CRYGN: variants seen among roughly 807,000 people sequenced by gnomAD.
The protein encoded by CRYGN is crystallin gamma N.
CRYGN carries 17 observed loss-of-function variants against 19.2 expected under a neutral mutation model. That is an observed-to-expected ratio of 0.89 (90% confidence interval 0.61 to 1.33). CRYGN has a LOEUF of 1.33. Ranked by LOEUF, CRYGN falls within the 40% of genes most tolerant of loss-of-function variation. The probability of loss-of-function intolerance (pLI) is 0.00; values close to 1 mark genes in which losing one functional copy is unlikely to be tolerated. For synonymous variants in CRYGN, 84 were observed against 85.8 expected (o/e 0.98, Z 0.12); for missense variants, 239 against 239.6 (o/e 1.00, Z 0.02).
In CRYGN at chr7:151,435,424, G is replaced by C. The variant is rs1801579018; in HGVS notation, c.416+756C>G. The stretch of plus-strand genomic sequence containing the variant: ...GCGATAATATCTACCTGACCTAGAG[G>C]TGTGGGCTGGACAATGAAAATACAT... On this transcript the variant is annotated intron_variant, in intron 3 of 3. Transcript: ENST00000337323. This position sits in a 1 kb window ranked among gnomAD's most constrained non-coding sequence, Gnocchi z 4.2. 6.6e-6 allele frequency among the ~76,000 whole-genome samples: 1 copy of C among 152,198 alleles called. No homozygotes were observed. Among genetic ancestry groups the C allele is most frequent in the Admixed American group, 6.5e-5 (1 of 15,282 alleles).
Position 151,430,002 on chromosome 7 carries a change from G to C in CRYGN, c.*46C>G, listed in dbSNP as rs1801426786. The C allele has an allele frequency of 1.2e-6, 1 of 808,996 alleles. No individual in the cohort carries two copies. Among genetic ancestry groups the C allele is most frequent in the East Asian group, 2.4e-5 (1 of 41,354 alleles). 50.1% of individuals were successfully genotyped at this position (808,996 alleles called of 1,614,324 possible). On this transcript the variant is annotated 3_prime_UTR_variant, in exon 4 of 4. Coordinates refer to ENST00000337323, the MANE Select transcript of CRYGN (RefSeq NM_144727.3). The surrounding 1 kb of genome is among the most constrained non-coding windows in gnomAD (Gnocchi z 5.2). ...ATGATTTTAAGTAAACACTCTCCCG[G>C]CTCAGAAACGGTGCAGGTGCATTTA... is the stretch of plus-strand genomic sequence containing the variant.
Position 151,438,041 on chromosome 7 carries a change from C to T in CRYGN, c.225G>A (p.Trp75Ter), listed in dbSNP as rs1801663696. ...EHGDYPDFFR[W>*]NSHSDHMGSC... ...AGCCCATGTGGTCACTGTGGCTGTT[C>T]CAGCGGAAGAAGTCGGGGTAGTCGC... The change falls in exon 2 of 4, where the codon TGG becomes TGA. Residue 75 changes from tryptophan (W) to a stop codon, truncating the protein, a stop_gained. Transcript: ENST00000337323. LOFTEE classifies it high-confidence loss of function. 4 of 1,613,992 alleles carry T rather than the reference C, an allele frequency of 2.5e-6. No homozygotes were observed. Among genetic ancestry groups the T allele is most frequent in the Non-Finnish European group, 3.4e-6 (4 of 1,180,046 alleles).
At chr7:151,438,962 A>G (rs1009519606) in intron 1 of CRYGN, 1 of 152,256 alleles carries the variant, frequency 6.6e-6, no homozygotes, top group African/African-American at 2.4e-5. Flanking sequence ...AAAGTGAAGC[A>G]ATAACAACCC....
At chr7:151,439,313 T>A (rs1801702266) in intron 1 of CRYGN, among the ~76,000 whole-genome samples, 1 of 152,174 alleles carries the variant, frequency 6.6e-6, no homozygotes, top group African/African-American at 2.4e-5. Context: ...CACTCTGGAA[T>A]GTGGCCTTGG....
rs183989824 is a variant in CRYGN, at chr7:151,429,789, C to T, written c.*259G>A. 36 of 537,594 alleles carry T rather than the reference C, an allele frequency of 6.7e-5. No individual in the cohort carries two copies. Among genetic ancestry groups the T allele is most frequent in the Admixed American group, 2.2e-4 (7 of 31,136 alleles). The allele number at this position is 537,594 out of a possible 1,614,324, so 33.3% of individuals were successfully genotyped here. ...CCATCATCAGCTGTGGGCTGAGGTGCGAGATTGTGGAGGCCTGAGGCCAGC... is the reference window on the plus strand; with the variant it reads ...CCATCATCAGCTGTGGGCTGAGGTGTGAGATTGTGGAGGCCTGAGGCCAGC... On this transcript the variant is annotated 3_prime_UTR_variant, in exon 4 of 4. Coordinates refer to ENST00000337323, the MANE Select transcript of CRYGN (RefSeq NM_144727.3).
Position 151,438,127 on chromosome 7 carries a change from C to A in CRYGN, c.139G>T (p.Gly47Ter). Residue 47 changes from glycine (G) to a stop codon, truncating the protein, a stop_gained, in exon 2 of 4, where the codon GGA (glycine) becomes TGA (stop). Transcript: ENST00000337323. LOFTEE classifies it high-confidence loss of function. ...GGGTGATTGAAGCAGACCCAGGCTC[C>A]GCTCTCCACGTGGATGGAGTTCACT... ...NRVNSIHVES[G>*]AWVCFNHPDF... is the part of the protein sequence containing the mutation. 1.2e-6 allele frequency: 2 copies of A among 1,614,208 alleles called. No homozygotes were observed. The highest frequency in any genetic ancestry group is 1.7e-6 in the Non-Finnish European group (2 of 1,180,036).
In CRYGN at chr7:151,430,703, C is replaced by T. The variant is rs894613799; in HGVS notation, c.417-523G>A. Among the ~76,000 whole-genome samples the T allele has an allele frequency of 1.3e-5, 2 of 152,194 alleles. No homozygotes were observed. The highest frequency in any genetic ancestry group is 2.4e-5 in the African/African-American group (1 of 41,450). On this transcript the variant is annotated intron_variant, in intron 3 of 3. Coordinates refer to ENST00000337323, the MANE Select transcript of CRYGN (RefSeq NM_144727.3). The surrounding 1 kb of genome is among the most constrained non-coding windows in gnomAD (Gnocchi z 5.2). ...AACCCAGGGCTCATGGGCTTTCCCT[C>T]GGAGTCCTGAGCTGGGCGACCAGCC... is the stretch of plus-strand genomic sequence containing the variant.
At position 151,438,185 on chromosome 7, in the gene CRYGN, A is replaced by AC. The variant is rs772351036; in HGVS notation, c.80dup (p.Cys27TrpfsTer2). ...TAAAGCCCCGGTCCTGGAAGTTGTC[A>AC]CAGTCCCCGAAGACCTCCAGCTTCT... On this transcript the variant is annotated frameshift_variant, in exon 2 of 4. Transcript: ENST00000337323. LOFTEE classifies it high-confidence loss of function. 6 of 1,614,140 alleles carry AC rather than the reference A, an allele frequency of 3.7e-6. No homozygotes were observed. The Admixed American group carries it at 5.0e-5, about 13-fold the overall frequency.
intron 3 of CRYGN, among the ~76,000 whole-genome samples, chr7:151,434,932 G>A (rs1020538066): frequency 6.6e-6 from 1 of 152,204 alleles, no homozygotes; most frequent in African/African-American, 2.4e-5. Flanking sequence ...GATTACTTAT[G>A]ATACCTAATC....
rs553019943 is a variant in CRYGN, at chr7:151,436,171, T to G, written c.416+9A>C. 2 of 1,462,864 alleles carry G rather than the reference T, an allele frequency of 1.4e-6. No homozygotes were observed. The highest frequency in any genetic ancestry group is 1.8e-6 in the Non-Finnish European group (2 of 1,099,270). 90.6% of individuals were successfully genotyped at this position (1,462,864 alleles called of 1,614,324 possible). On this transcript the variant is annotated intron_variant, in intron 3 of 3. Transcript: ENST00000337323. The surrounding 1 kb of genome is among the most constrained non-coding windows in gnomAD (Gnocchi z 5.1). Reference sequence around the variant, plus strand: ...GGCCTCGGGGTGCGGCCACGTGGCCTGTACTCACGCTCCGTCCCCGTACAC... The same window carrying G: ...GGCCTCGGGGTGCGGCCACGTGGCCGGTACTCACGCTCCGTCCCCGTACAC...
rs1389564623 is a variant in CRYGN at position 151,429,742 on chromosome 7, T to TA, written c.*305dup. 9 of 430,444 alleles carry TA rather than the reference T, an allele frequency of 2.1e-5. No individual in the cohort carries two copies. The highest frequency in any genetic ancestry group is 3.4e-5 in the Non-Finnish European group (8 of 234,154). 26.7% of individuals were successfully genotyped at this position (430,444 alleles called of 1,614,324 possible). A position where few individuals can be genotyped will look rare whatever the true frequency, so the allele number is the denominator to read the frequency against. On this transcript the variant is annotated 3_prime_UTR_variant, in exon 4 of 4. Transcript: ENST00000337323. ...AGCCTGGCATTAAGTCAGTGCTCCATAAATATTCATCAACATCATCACCAT... is the reference window on the plus strand; with the variant it reads ...AGCCTGGCATTAAGTCAGTGCTCCATAAAATATTCATCAACATCATCACCAT...
At chr7:151,438,739 G>A (rs1208370732) in intron 1 of CRYGN, 1 of 158,502 alleles carries the variant, frequency 6.3e-6, no homozygotes, top group Non-Finnish European at 1.4e-5. Context: ...TGGAGAGGCT[G>A]AATGGGCCGA....
At chr7:151,437,730 T>G in intron 2 of CRYGN, 1 of 1,037,864 alleles carries the variant, frequency 9.6e-7, no homozygotes, top group African/African-American at 1.6e-5. Flanking sequence ...AAATGGAAAA[T>G]GCAGCTAGAT....
At chr7:151,437,725 G>A in intron 2 of CRYGN, 1 of 1,012,084 alleles carries the variant, frequency 9.9e-7, no homozygotes, top group African/African-American at 1.6e-5. Flanking sequence ...ATTTTAAATG[G>A]AAAATGCAGC....
At chr7:151,438,854 T>C (rs1252167349) in intron 1 of CRYGN, 1 of 152,702 alleles carries the variant, frequency 6.5e-6, no homozygotes, top group Non-Finnish European at 1.5e-5. Context: ...GTAGCAGGCA[T>C]GTATCAGATC....
At position 151,436,084 on chromosome 7, in the gene CRYGN, C is replaced by A; in HGVS notation, c.416+96G>T. ...CCCACTGCTGGAGGTCTCATTCCCA[C>A]CCCACCCACCACCCCTGTGTGGCGG... On this transcript the variant is annotated intron_variant, in intron 3 of 3. Coordinates refer to ENST00000337323, the MANE Select transcript of CRYGN (RefSeq NM_144727.3). The surrounding 1 kb of genome is among the most constrained non-coding windows in gnomAD (Gnocchi z 5.1). 2 of 1,041,470 alleles carry A rather than the reference C, an allele frequency of 1.9e-6. No individual in the cohort carries two copies. The highest frequency in any genetic ancestry group is 2.5e-6 in the Non-Finnish European group (2 of 791,258). The allele number at this position is 1,041,470 out of a possible 1,614,324, so 64.5% of individuals were successfully genotyped here. A position where few individuals can be genotyped will look rare whatever the true frequency, so the allele number is the denominator to read the frequency against.
In CRYGN at chr7:151,429,878, G is replaced by T. The variant is rs138303825; in HGVS notation, c.*170C>A. The T allele has an allele frequency of 6.2e-6, 4 of 646,250 alleles. No homozygotes were observed. Among genetic ancestry groups the T allele is most frequent in the Admixed American group, 5.0e-5 (2 of 40,376 alleles). The allele number at this position is 646,250 out of a possible 1,614,324, so 40.0% of individuals were successfully genotyped here. ...TGGACGGCTGTTTCAGAAGAGACAG[G>T]GCCCTTGCCATGGGTGGGGAGGGCC... is the stretch of plus-strand genomic sequence containing the variant. On this transcript the variant is annotated 3_prime_UTR_variant, in exon 4 of 4. Transcript: ENST00000337323.
In CRYGN at chr7:151,431,555, A is replaced by G. The variant is rs1801464755; in HGVS notation, c.417-1375T>C. On this transcript the variant is annotated intron_variant, in intron 3 of 3. Coordinates refer to ENST00000337323, the MANE Select transcript of CRYGN (RefSeq NM_144727.3). The surrounding 1 kb of genome is among the most constrained non-coding windows in gnomAD (Gnocchi z 4.8). ...GCTCCAGGGGCTATGGCTGCAGCAG[A>G]CACGCCCCATGCCCCTTTCTCCCCG... Among the ~76,000 whole-genome samples, 1 of 152,074 alleles carries G rather than the reference A, an allele frequency of 6.6e-6. No homozygotes were observed. Among genetic ancestry groups the G allele is most frequent in the South Asian group, 2.1e-4 (1 of 4,820 alleles).
chr7:151,437,799 C>A lies in CRYGN; in HGVS notation c.270+197G>T, dbSNP rs751603937. 2.4e-4 allele frequency: 352 copies of A among 1,452,352 alleles called. 1 individual carries two copies. The highest frequency in any genetic ancestry group is 3.1e-4 in the Non-Finnish European group (338 of 1,104,744). 90.0% of individuals were successfully genotyped at this position (1,452,352 alleles called of 1,614,324 possible). On this transcript the variant is annotated intron_variant, in intron 2 of 3. Coordinates refer to ENST00000337323, the MANE Select transcript of CRYGN (RefSeq NM_144727.3). The stretch of plus-strand genomic sequence containing the variant: ...ACCTGTATGAAAACTCAGGGCCACT[C>A]CCACTCAGTTCATAGCAACTTGGCC...
Sources: allele counts gnomAD v4.1 joint callset (sites outside exome capture counted in the v4.1 genomes callset), GRCh38; gene constraint gnomAD v4.1.1; non-coding constraint Gnocchi (gnomAD v3.1); transcripts MANE v1.5; gene names NCBI Gene and HGNC (gene_info 2026-07-23, HGNC 2026-07-21).